The following ATL2 variants were observed in gnomAD, a reference collection of about 807,000 sequenced individuals.
The protein encoded by ATL2 is atlastin GTPase 2, also known as atlastin-2.
A neutral mutation model predicts 73.9 loss-of-function variants in ATL2; 31 were observed. That is an observed-to-expected ratio of 0.42 (90% CI 0.32 to 0.57). The LOEUF is 0.57. Ranked by LOEUF, ATL2 falls within the 20% of genes least tolerant of loss-of-function variation. The probability of loss-of-function intolerance (pLI) is 0.14; values close to 1 mark genes in which losing one functional copy is unlikely to be tolerated. For missense variants in ATL2, 738 were observed against 702.6 expected (o/e 1.05, Z -0.57); for synonymous variants, 291 against 237.5 (o/e 1.23, Z -2.07).
In ATL2 at chr2:38,351,233, A is replaced by C. The variant is rs72902198; in HGVS notation, c.119-7721T>G. ...CCTCAACATTTATATTTCATACCCAAGTGAAAACAGTATCTAAGTATTCAA... is the reference window on the plus strand; with the variant it reads ...CCTCAACATTTATATTTCATACCCACGTGAAAACAGTATCTAAGTATTCAA... On this transcript the variant is annotated intron_variant, in intron 1 of 12. Transcript: ENST00000378954. 1.7e-3 allele frequency among the ~76,000 whole-genome samples: 266 copies of C among 152,258 alleles called. 4 individuals are homozygous for C. Among genetic ancestry groups the C allele is most frequent in the African/African-American group, 6.2e-3 (259 of 41,568 alleles).
Position 38,313,057 on chromosome 2 carries a change from C to A in ATL2, c.804+94G>T, listed in dbSNP as rs537578924. The A allele has an allele frequency of 1.6e-5, 13 of 805,904 alleles. No individual in the cohort carries two copies. The African/African-American group carries it at 1.9e-4, about 12-fold the overall frequency. 49.9% of individuals were successfully genotyped at this position (805,904 alleles called of 1,614,324 possible). On this transcript the variant is annotated intron_variant, in intron 7 of 12. Transcript: ENST00000378954. ...CCTGGAATACTTTATTCCAACGACA[C>A]GTAAATACTGGTAATGTGACCAGCA...
chr2:38,352,917 C>G (rs1297400928), intron 1 of ATL2, among the ~76,000 whole-genome samples: 1 of 152,134 alleles, frequency 6.6e-6, no homozygotes, highest in Non-Finnish European at 1.5e-5. Flanking sequence ...TCCACAGACC[C>G]ACACTAACGA....
chr2:38,316,562 A>AC lies in ATL2; in HGVS notation c.604-1229dup, dbSNP rs11302815. On this transcript the variant is annotated intron_variant, in intron 4 of 12. Coordinates refer to ENST00000378954, the MANE Select transcript of ATL2 (RefSeq NM_001135673.4). ...ATATCTTACATAAGGAAAGAAAACT[A>AC]CCCCCCCCACCCAAAGGCAAGGAAG... is the stretch of plus-strand genomic sequence containing the variant. 8.5e-3 allele frequency among the ~76,000 whole-genome samples: 1,287 copies of AC among 151,088 alleles called. 6 individuals carry two copies. Among genetic ancestry groups the AC allele is most frequent in the Non-Finnish European group, 9.3e-3 (633 of 67,706 alleles).
chr2:38,299,163 T>A, intron 11 of ATL2, 93 bp downstream of exon 11: 1 of 1,202,322 alleles, frequency 8.3e-7, no homozygotes, highest in East Asian at 3.1e-5. Flanking sequence ...CTGCACAAAT[T>A]CGCTCAATTA....
At chr2:38,365,829 C>A (rs867478884) in intron 1 of ATL2, among the ~76,000 whole-genome samples, 1 of 151,602 alleles carries the variant, frequency 6.6e-6, no homozygotes, top group Middle Eastern at 3.4e-3. Flanking sequence ...TACCTAAAAT[C>A]CCAGTTACTC....
chr2:38,346,223 C>G (rs1437754547), intron 1 of ATL2, among the ~76,000 whole-genome samples: 1 of 152,138 alleles, frequency 6.6e-6, no homozygotes, highest in Admixed American at 6.6e-5. Flanking sequence ...GATAATATTC[C>G]TGCACTTGTC....
intron 1 of ATL2, 38 bp downstream of exon 1, chr2:38,377,105 C>A (rs775957656): frequency 1.3e-6 from 2 of 1,589,866 alleles, no homozygotes; most frequent in East Asian, 2.3e-5. Flanking sequence ...CGTCTCTCCC[C>A]ATCAGGGCCC....
chr2:38,374,738 G>T (rs1182189785), intron 1 of ATL2, among the ~76,000 whole-genome samples: 1 of 152,148 alleles, frequency 6.6e-6, no homozygotes, highest in African/African-American at 2.4e-5. Context: ...CAGTCTCCCC[G>T]TACTCTTAGC....
In ATL2 at chr2:38,313,322, A is replaced by C; in HGVS notation, c.712-79T>G. ...AAAAATCACAACTCTTAACAATTGA[A>C]GCCTCTCTTACTCTCCTAAACAATC... On this transcript the variant is annotated intron_variant, in intron 6 of 12. Transcript: ENST00000378954. The C allele has an allele frequency of 5.0e-6, 5 of 995,772 alleles. No individual in the cohort carries two copies. The Admixed American group carries it at 1.2e-4, about 23-fold the overall frequency. The allele number at this position is 995,772 out of a possible 1,614,324, so 61.7% of individuals were successfully genotyped here.
chr2:38,331,966 T>C (rs1261520863), intron 2 of ATL2, among the ~76,000 whole-genome samples: 1 of 152,128 alleles, frequency 6.6e-6, no homozygotes, highest in Non-Finnish European at 1.5e-5. Flanking sequence ...GTGTGGTATA[T>C]CCACACAAGA....
intron 4 of ATL2, among the ~76,000 whole-genome samples, chr2:38,315,792 C>T (rs1229564457): frequency 6.6e-6 from 1 of 152,092 alleles, no homozygotes; most frequent in Non-Finnish European, 1.5e-5. Flanking sequence ...TCAGGGGTAC[C>T]TCCACTACTA....
chr2:38,361,499 T>G (rs1671014238), intron 1 of ATL2, among the ~76,000 whole-genome samples: 1 of 152,010 alleles, frequency 6.6e-6, no homozygotes, highest in South Asian at 2.1e-4. Context: ...CCAGAAAGCA[T>G]ACACCACTTT....
chr2:38,314,977 G>A lies in ATL2; in HGVS notation c.654+307C>T, dbSNP rs186002211. On this transcript the variant is annotated intron_variant, in intron 5 of 12. Transcript: ENST00000378954. ...AAGAAATATGTGCTCGCAGACGGGC[G>A]CAGCGGCTCACGCCGGGTAATCCCA... is the stretch of plus-strand genomic sequence containing the variant. Among the ~76,000 whole-genome samples, 607 of 152,338 alleles carry A rather than the reference G, an allele frequency of 4.0e-3. 7 individuals are homozygous for A. The highest frequency in any genetic ancestry group is 0.018 in the South Asian group (89 of 4,830).
intron 2 of ATL2, among the ~76,000 whole-genome samples, chr2:38,320,045 T>C (rs1668234413): frequency 6.6e-6 from 1 of 152,088 alleles, no homozygotes; most frequent in South Asian, 2.1e-4. Flanking sequence ...GGGCAGAGGT[T>C]GCAGTGAGCA....
intron 8 of ATL2, 146 bp downstream of exon 8, chr2:38,310,163 C>T: frequency 1.1e-6 from 1 of 891,138 alleles, no homozygotes; most frequent in South Asian, 1.8e-5. Context: ...AGAGAAACAA[C>T]ACAGAGCATT....
upstream of ATL2, among the ~76,000 whole-genome samples, chr2:38,378,564 G>T (rs1473757234): frequency 3.3e-5 from 5 of 152,212 alleles, no homozygotes; most frequent in Non-Finnish European, 4.4e-5. Context: ...ACAGAATATG[G>T]AGTTTGTCAT....
chr2:38,350,597 C>T (rs556736363), intron 1 of ATL2, among the ~76,000 whole-genome samples: 3 of 152,134 alleles, frequency 2.0e-5, no homozygotes, highest in Admixed American at 2.0e-4. Context: ...TAATGTAAAA[C>T]TATAGACTTT....
At chr2:38,371,076 T>C (rs914199463) in intron 1 of ATL2, among the ~76,000 whole-genome samples, 1 of 152,082 alleles carries the variant, frequency 6.6e-6, no homozygotes, top group Non-Finnish European at 1.5e-5. Flanking sequence ...ATCCCACAAA[T>C]TCATTCACTG....
chr2:38,311,209 A>T (rs892929099), intron 7 of ATL2, among the ~76,000 whole-genome samples: 3 of 152,216 alleles, frequency 2.0e-5, no homozygotes, highest in African/African-American at 7.2e-5. Flanking sequence ...ACAGTGCAGT[A>T]CAAAGACCTT....
Sources: gnomAD v4.1 joint callset for allele counts (sites outside exome capture counted in the v4.1 genomes callset) on GRCh38, gnomAD v4.1.1 for gene constraint, MANE v1.5 for transcripts, NCBI Gene and HGNC (gene_info 2026-07-23, HGNC 2026-07-21) for gene names.